RBMS3: variants seen among roughly 807,000 people sequenced by gnomAD.
RBMS3 encodes RNA-binding motif, single-stranded-interacting protein 3.
In RBMS3, 27 loss-of-function variants were observed where a neutral mutation model predicts 66.8. The observed-to-expected ratio is 0.40, with a 90% CI of 0.30 to 0.56. The LOEUF (loss-of-function observed/expected upper bound fraction) is 0.56, where lower values mean the gene tolerates loss of function less well. Among genes scored for constraint, RBMS3 ranks in the 20% least tolerant of loss-of-function variants. RBMS3 has a pLI of 0.40. For missense variants in RBMS3, 513 were observed against 549.5 expected, an observed-to-expected ratio of 0.93 and a Z score of 0.66; for synonymous variants, 188 against 183.0, an observed-to-expected ratio of 1.03 and a Z score of -0.22.
chr3:29,884,499 TTCTC>T (rs950645875), intron 8 of RBMS3, among the ~76,000 whole-genome samples: 27 of 112,478 alleles, frequency 2.4e-4, no homozygotes, highest in Middle Eastern at 5.4e-3. Flanking sequence ...CCCTCCCTCT[TTCTC>T]TGTCTTTGGA....
intron 4 of RBMS3, among the ~76,000 whole-genome samples, chr3:29,660,372 G>C (rs987241018): frequency 3.9e-5 from 6 of 151,984 alleles, no homozygotes. Flanking sequence ...GCACTCTTTG[G>C]GATACCATTT....
chr3:29,577,478 G>C lies in RBMS3; in HGVS notation c.308-9636G>C, dbSNP rs117795836. ...CTCTGAGCCCAGTCCAGCACTAGGAGTTGCATATGAGTTGCAGTCCCTGTG... is the reference window on the plus strand; with the variant it reads ...CTCTGAGCCCAGTCCAGCACTAGGACTTGCATATGAGTTGCAGTCCCTGTG... On this transcript the variant is annotated intron_variant, in intron 3 of 14. Transcript: ENST00000383767. Among the ~76,000 whole-genome samples the C allele has an allele frequency of 4.6e-4, 70 of 152,290 alleles. 1 individual carries two copies. In the East Asian group the frequency reaches 8.5e-3, roughly 19 times the overall value.
In RBMS3 at chr3:29,534,855, A is replaced by G. The variant is rs144624563; in HGVS notation, c.307+46356A>G. Among the ~76,000 whole-genome samples, 520 of 152,306 alleles carry G rather than the reference A, an allele frequency of 3.4e-3. 2 individuals carry two copies. Among genetic ancestry groups the G allele is most frequent in the East Asian group, 7.7e-3 (40 of 5,188 alleles). ...TGCAAACTTCGTGAATTATAACTGT[A>G]ACATTAATTGGATGAAAGTTTTCTT... On this transcript the variant is annotated intron_variant, in intron 3 of 14. Transcript: ENST00000383767.
chr3:29,695,006 G>C (rs972246418), intron 4 of RBMS3, among the ~76,000 whole-genome samples: 1 of 152,162 alleles, frequency 6.6e-6, no homozygotes, highest in African/African-American at 2.4e-5. Flanking sequence ...AGGCTGGTGA[G>C]AGTCTCTCAT....
intron 6 of RBMS3, among the ~76,000 whole-genome samples, chr3:29,774,527 A>C (rs996130817): frequency 6.6e-6 from 1 of 152,086 alleles, no homozygotes; most frequent in Non-Finnish European, 1.5e-5. Flanking sequence ...TGAAACTAAT[A>C]TGTTTTTACA....
At chr3:29,586,497 G>A (rs1193932627) in intron 3 of RBMS3, among the ~76,000 whole-genome samples, 1 of 152,012 alleles carries the variant, frequency 6.6e-6, no homozygotes, top group Admixed American at 6.6e-5. Context: ...TCACAGATCT[G>A]TACGAGTCAA....
chr3:29,434,961 G>A (rs1371126759), intron 2 of RBMS3, 46 bp downstream of exon 2: 13 of 1,557,560 alleles, frequency 8.3e-6, no homozygotes, highest in South Asian at 3.6e-5. Flanking sequence ...TCCCATACTT[G>A]CCTTGGTGGG....
intron 1 of RBMS3, among the ~76,000 whole-genome samples, chr3:29,401,511 A>G (rs1222956229): frequency 6.6e-6 from 1 of 152,078 alleles, no homozygotes; most frequent in African/African-American, 2.4e-5. Context: ...GTGCAGGGCT[A>G]CAGGAAGGGA....
At chr3:29,492,455 A>G (rs1372326894) in intron 3 of RBMS3, among the ~76,000 whole-genome samples, 1 of 152,204 alleles carries the variant, frequency 6.6e-6, no homozygotes, top group East Asian at 1.9e-4. Context: ...TATTGAAACA[A>G]TCGTCTAAAT....
intron 1 of RBMS3, among the ~76,000 whole-genome samples, chr3:29,325,995 C>T (rs942957134): frequency 6.6e-6 from 1 of 152,120 alleles, no homozygotes; most frequent in African/African-American, 2.4e-5. Flanking sequence ...CCTGAATCAC[C>T]TTTCCATCCT....
At chr3:29,561,906 C>CTTT (rs1445203159) in intron 3 of RBMS3, among the ~76,000 whole-genome samples, 1 of 152,002 alleles carries the variant, frequency 6.6e-6, no homozygotes, top group Non-Finnish European at 1.5e-5. Context: ...CCTTTGCCAA[C>CTTT]TTTTTAATGG....
intron 4 of RBMS3, among the ~76,000 whole-genome samples, chr3:29,722,187 A>T (rs2053669647): frequency 6.6e-6 from 1 of 152,052 alleles, no homozygotes. Flanking sequence ...TGTTTATTTT[A>T]TTTTTTCAGT....
In RBMS3 at chr3:29,962,551, C is replaced by CATATATATATATATATATATATATAT. The variant is rs148691765; in HGVS notation, c.1098+18314_1098+18315insTATATATATATATATATATATATATA. Among the ~76,000 whole-genome samples, 548 of 134,844 alleles carry CATATATATATATATATATATATATAT rather than the reference C, an allele frequency of 4.1e-3. 9 individuals are homozygous for CATATATATATATATATATATATATAT. The highest frequency in any genetic ancestry group is 0.026 in the Admixed American group (329 of 12,848). 88.5% of individuals were successfully genotyped at this position (134,844 alleles called of 152,430 possible). ...TCTGTTTTTAATATGGGTCAAGACT[C>CATATATATATATATATATATATATAT]ATATATATATATATATAATACCATA... On this transcript the variant is annotated intron_variant, in intron 12 of 14. Transcript: ENST00000383767.
Position 29,707,603 on chromosome 3 carries a change from T to C in RBMS3, c.400-32117T>C, listed in dbSNP as rs190316563. ...CAAAAAAGCTGACAGTTTTTCTGTCTTTTCCATAAGGAAAAAGTATGCCTT... is the reference window on the plus strand; with the variant it reads ...CAAAAAAGCTGACAGTTTTTCTGTCCTTTCCATAAGGAAAAAGTATGCCTT... On this transcript the variant is annotated intron_variant, in intron 4 of 14. Coordinates refer to ENST00000383767, the MANE Select transcript of RBMS3 (RefSeq NM_001003793.3). Among the ~76,000 whole-genome samples, 629 of 152,344 alleles carry C rather than the reference T, an allele frequency of 4.1e-3. 8 individuals carry two copies. Among genetic ancestry groups the C allele is most frequent in the African/African-American group, 0.014 (578 of 41,576 alleles).
intron 1 of RBMS3, among the ~76,000 whole-genome samples, chr3:29,302,518 A>G (rs915001481): frequency 3.3e-5 from 5 of 149,770 alleles, no homozygotes; most frequent in African/African-American, 1.3e-4. Context: ...ACAATCTTGG[A>G]AAAAAAATAT....
chr3:29,953,214 G>A lies in RBMS3; in HGVS notation c.1098+8960G>A, dbSNP rs148916953. ...GGAAATGAGGGGCAATTGAATGATTGTGTGTCTTAAGTGTTATTTAGTAGT... is the reference window on the plus strand; with the variant it reads ...GGAAATGAGGGGCAATTGAATGATTATGTGTCTTAAGTGTTATTTAGTAGT... On this transcript the variant is annotated intron_variant, in intron 12 of 14. Transcript: ENST00000383767. 9.9e-5 allele frequency among the ~76,000 whole-genome samples: 15 copies of A among 152,020 alleles called. No homozygotes were observed. The East Asian group carries it at 2.7e-3, about 28-fold the overall frequency.
At chr3:29,523,524 A>T (rs944607493) in intron 3 of RBMS3, among the ~76,000 whole-genome samples, 5 of 152,054 alleles carry the variant, frequency 3.3e-5, no homozygotes, top group African/African-American at 1.2e-4. Context: ...TATTTCCTGG[A>T]TATCTTCATT....
chr3:29,543,768 A>G (rs1363299107), intron 3 of RBMS3, among the ~76,000 whole-genome samples: 1 of 152,150 alleles, frequency 6.6e-6, no homozygotes, highest in Non-Finnish European at 1.5e-5. Context: ...GTCACAGAAA[A>G]TGTCACCGTG....
At chr3:29,893,813 C>T (rs1420540904) in intron 8 of RBMS3, among the ~76,000 whole-genome samples, 2 of 151,440 alleles carry the variant, frequency 1.3e-5, no homozygotes, top group Admixed American at 1.3e-4. Context: ...CCTCAGCTTC[C>T]TACCTCTTTC....
Sources: gnomAD v4.1 joint callset for allele counts (sites outside exome capture counted in the v4.1 genomes callset) on GRCh38, gnomAD v4.1.1 for gene constraint, MANE v1.5 for transcripts, NCBI Gene and HGNC (gene_info 2026-07-23, HGNC 2026-07-21) for gene names.